Variants in PGM5 observed in about 807,000 individuals in gnomAD.
PGM5 encodes the protein phosphoglucomutase-like protein 5.
In PGM5, 23 loss-of-function variants were observed where a neutral mutation model predicts 59.2. The observed-to-expected ratio is 0.39, with a 90% confidence interval of 0.28 to 0.55. PGM5 has a LOEUF of 0.55. Among genes scored for constraint, PGM5 ranks in the 20% least tolerant of loss-of-function variants. The pLI is 0.66. For synonymous variants in PGM5, 214 were observed against 286.0 expected (o/e 0.75, Z 2.54); for missense variants, 574 against 748.3 (o/e 0.77, Z 2.72).
At chr9:68,359,291 G>A (rs1834531585) in intron 1 of PGM5, among the ~76,000 whole-genome samples, 1 of 152,076 alleles carries the variant, frequency 6.6e-6, no homozygotes, top group African/African-American at 2.4e-5. Context: ...TTAAAATAGG[G>A]TCAAATTAAA....
intron 6 of PGM5, among the ~76,000 whole-genome samples, chr9:68,442,002 T>G (rs1291085836): frequency 1.4e-4 from 22 of 152,146 alleles, no homozygotes; most frequent in Admixed American, 1.4e-3. Flanking sequence ...AGCTGTAAAT[T>G]TATTAAAATG....
intron 6 of PGM5, chr9:68,398,581 G>C (rs187561339): frequency 6.6e-6 from 1 of 152,210 alleles, no homozygotes; most frequent in Non-Finnish European, 1.5e-5. Flanking sequence ...AACTTGGCAG[G>C]GGGGAGAAAT....
chr9:68,364,311 T>C (rs1181917066), intron 1 of PGM5, among the ~76,000 whole-genome samples: 1 of 152,148 alleles, frequency 6.6e-6, no homozygotes, highest in Non-Finnish European at 1.5e-5. Context: ...AATGAGAATA[T>C]ACTTGGTTTT....
chr9:68,515,352 C>T (rs1010563101), intron 10 of PGM5, among the ~76,000 whole-genome samples: 1 of 152,204 alleles, frequency 6.6e-6, no homozygotes, highest in Non-Finnish European at 1.5e-5. Flanking sequence ...TGTCCCACTA[C>T]TGCCTCCTCC....
intron 6 of PGM5, chr9:68,398,686 C>T (rs1193421481): frequency 6.6e-6 from 1 of 152,178 alleles, no homozygotes; most frequent in Admixed American, 6.5e-5. Context: ...TGGAGTTCTG[C>T]CTCCTGGGGA....
chr9:68,390,779 G>C (rs528814356), intron 4 of PGM5, among the ~76,000 whole-genome samples: 187 of 152,160 alleles, frequency 1.2e-3, no homozygotes, highest in African/African-American at 4.4e-3. Context: ...ATTCCGTCAA[G>C]TTCCACCAGA....
At chr9:68,491,288 T>C (rs1554687842) in intron 9 of PGM5, among the ~76,000 whole-genome samples, 1 of 152,226 alleles carries the variant, frequency 6.6e-6, no homozygotes, top group Non-Finnish European at 1.5e-5. Context: ...AGACTAGGGC[T>C]CTAGAAAGTT....
chr9:68,450,024 C>T (rs547108853), intron 6 of PGM5, among the ~76,000 whole-genome samples: 78 of 152,278 alleles, frequency 5.1e-4, no homozygotes, highest in Non-Finnish European at 7.4e-4. Flanking sequence ...AGTCAGCATG[C>T]TCACATGGTA....
At chr9:68,475,953 C>T (rs1186963238) in intron 7 of PGM5, among the ~76,000 whole-genome samples, 5 of 152,106 alleles carry the variant, frequency 3.3e-5, no homozygotes, top group East Asian at 1.9e-4. Flanking sequence ...CCTGGGAGGT[C>T]GCGGCTGCAG....
chr9:68,393,740 G>C (rs1554679744), intron 6 of PGM5: 1 of 152,124 alleles, frequency 6.6e-6, no homozygotes, highest in Non-Finnish European at 1.5e-5. Context: ...GGAGCCTACA[G>C]CTGACCAACA....
intron 1 of PGM5, among the ~76,000 whole-genome samples, chr9:68,358,774 C>T (rs1208883735): frequency 2.6e-5 from 4 of 151,674 alleles, no homozygotes; most frequent in African/African-American, 4.9e-5. Flanking sequence ...CATAATAAAA[C>T]GCAATTGGGA....
chr9:68,489,786 T>A (rs1554687773), intron 9 of PGM5, among the ~76,000 whole-genome samples: 1 of 152,188 alleles, frequency 6.6e-6, no homozygotes, highest in Non-Finnish European at 1.5e-5. Flanking sequence ...AGTGCTGAAG[T>A]CATTTGCAAG....
In PGM5 at chr9:68,415,793, A is replaced by ATCTATCTG. The variant is rs1554681929; in HGVS notation, c.1043+23327_1043+23328insGTCTATCT. ...TAAGGCAGGGAATATCTATCTATCT[A>ATCTATCTG]TCTATCTATCTATCTATCTATCTTA... On this transcript the variant is annotated intron_variant, in intron 6 of 10. Coordinates refer to ENST00000396396, the MANE Select transcript of PGM5 (RefSeq NM_021965.4). Among the ~76,000 whole-genome samples the ATCTATCTG allele has an allele frequency of 2.4e-4, 21 of 86,432 alleles. 1 individual carries two copies. Among genetic ancestry groups the ATCTATCTG allele is most frequent in the South Asian group, 4.9e-4 (1 of 2,022 alleles). The allele number at this position is 86,432 out of a possible 152,430, so 56.7% of individuals were successfully genotyped here.
intron 1 of PGM5, among the ~76,000 whole-genome samples, chr9:68,364,240 T>C (rs4126729): frequency 0.25 from 38,139 of 151,556 alleles, 5,753 homozygotes; most frequent in Admixed American, 0.34. Flanking sequence ...GTCCTCCAGA[T>C]AGATGTTTGT....
intron 4 of PGM5, among the ~76,000 whole-genome samples, chr9:68,389,662 G>T (rs1554679286): frequency 1.3e-5 from 2 of 152,050 alleles, no homozygotes; most frequent in African/African-American, 4.8e-5. Context: ...ATGAAAATTA[G>T]ATTTCTTTTT....
At chr9:68,426,613 AT>A (rs58295629) in intron 6 of PGM5, among the ~76,000 whole-genome samples, 3,226 of 135,946 alleles carry the variant, frequency 0.024, 48 homozygotes, top group African/African-American at 0.058. Context: ...TCTCTTTATT[AT>A]TTTTTTTTTT....
At chr9:68,378,464 A>G (rs1483806807) in intron 2 of PGM5, 103 bp downstream of exon 2, 15 of 1,390,446 alleles carry the variant, frequency 1.1e-5, no homozygotes, top group South Asian at 7.7e-5. Context: ...GGTGCAGAGG[A>G]CCTAGCTCAG....
At chr9:68,379,866 G>A (rs1487756941) in intron 2 of PGM5, among the ~76,000 whole-genome samples, 1 of 151,528 alleles carries the variant, frequency 6.6e-6, no homozygotes, top group Non-Finnish European at 1.5e-5. Flanking sequence ...AGAAGGTCAT[G>A]ATTTAATGAT....
chr9:68,369,863 T>G (rs557656909), intron 1 of PGM5, among the ~76,000 whole-genome samples: 1 of 152,266 alleles, frequency 6.6e-6, no homozygotes, highest in African/African-American at 2.4e-5. Flanking sequence ...TGCACAATTA[T>G]CCAAATGCAA....
Sources: allele counts gnomAD v4.1 joint callset (sites outside exome capture counted in the v4.1 genomes callset), GRCh38; gene constraint gnomAD v4.1.1; transcripts MANE v1.5; gene names NCBI Gene and HGNC (gene_info 2026-07-23, HGNC 2026-07-21).